The following NYAP2 variants were observed in gnomAD, a reference collection of about 807,000 sequenced individuals.
NYAP2 encodes neuronal tyrosine-phosphorylated phosphoinositide-3-kinase adapter 2.
A neutral mutation model predicts 50.4 loss-of-function variants in NYAP2; 23 were observed. The observed-to-expected ratio is 0.46, with a 90% CI of 0.33 to 0.65. The LOEUF (loss-of-function observed/expected upper bound fraction) is 0.65. Among genes scored for constraint, NYAP2 ranks in the 30% least tolerant of loss-of-function variants. The pLI is 0.02. For missense variants in NYAP2, 885 were observed against 861.0 expected (o/e 1.03, Z -0.35); for synonymous variants, 394 against 365.2 (o/e 1.08, Z -0.90).
At chr2:225,599,387 A>G (rs1326358016) in intron 5 of NYAP2, among the ~76,000 whole-genome samples, 1 of 152,246 alleles carries the variant, frequency 6.6e-6, no homozygotes, top group East Asian at 1.9e-4. Flanking sequence ...CATATGTTGT[A>G]TGGCAAATCT....
At chr2:225,658,837 G>T (rs951984449), downstream of NYAP2, among the ~76,000 whole-genome samples, 3 of 152,168 alleles carry the variant, frequency 2.0e-5, no homozygotes, top group Non-Finnish European at 4.4e-5. Context: ...AATTCAGAGG[G>T]TCATAACTCT....
intron 4 of NYAP2, among the ~76,000 whole-genome samples, chr2:225,544,873 A>T (rs1318963608): frequency 6.6e-6 from 1 of 152,128 alleles, no homozygotes; most frequent in South Asian, 2.1e-4. Flanking sequence ...CAGGTCTGGT[A>T]TTGGTGAAAT....
intron 3 of NYAP2, among the ~76,000 whole-genome samples, chr2:225,506,513 C>T (rs1690709918): frequency 6.6e-6 from 1 of 152,190 alleles, no homozygotes. Context: ...ATGAGCACAG[C>T]TCAGCCTAGC....
At chr2:225,505,907 G>T (rs115131710) in intron 3 of NYAP2, among the ~76,000 whole-genome samples, 4 of 152,068 alleles carry the variant, frequency 2.6e-5, no homozygotes, top group African/African-American at 9.7e-5. Flanking sequence ...AAGCAGGTCC[G>T]GACTTCTGGC....
chr2:225,538,005 T>C (rs1235948128), intron 4 of NYAP2, among the ~76,000 whole-genome samples: 1 of 152,194 alleles, frequency 6.6e-6, no homozygotes, highest in East Asian at 1.9e-4. Context: ...TGATCTCCTT[T>C]TACTTCATGC....
At chr2:225,594,736 G>A (rs1692567739) in intron 5 of NYAP2, among the ~76,000 whole-genome samples, 1 of 152,078 alleles carries the variant, frequency 6.6e-6, no homozygotes, top group African/African-American at 2.4e-5. Context: ...TCAGTAAATG[G>A]ATGACAATCC....
intron 5 of NYAP2, among the ~76,000 whole-genome samples, chr2:225,593,617 T>A (rs2106237051): frequency 6.6e-6 from 1 of 152,342 alleles, no homozygotes; most frequent in Non-Finnish European, 1.5e-5. Context: ...ATTGTGAAGA[T>A]TATTTCTATC....
intron 3 of NYAP2, among the ~76,000 whole-genome samples, chr2:225,512,141 A>G (rs764626105): frequency 1.2e-4 from 19 of 152,218 alleles, no homozygotes; most frequent in Non-Finnish European, 2.6e-4. Flanking sequence ...TAGCATAGAC[A>G]GAGGCCCAAG....
chr2:225,647,715 C>T (rs1006269207), intron 6 of NYAP2, among the ~76,000 whole-genome samples: 3 of 151,626 alleles, frequency 2.0e-5, no homozygotes, highest in Non-Finnish European at 4.4e-5. Context: ...TGGTTCCTAC[C>T]GGCAAAAATG....
chr2:225,435,986 T>C (rs1001276844), intron 3 of NYAP2, among the ~76,000 whole-genome samples: 3 of 152,308 alleles, frequency 2.0e-5, no homozygotes, highest in Admixed American at 1.3e-4. Context: ...AAGAACTATG[T>C]CAGATATTAA....
At chr2:225,567,348 G>T (rs915735895) in intron 4 of NYAP2, among the ~76,000 whole-genome samples, 1 of 151,924 alleles carries the variant, frequency 6.6e-6, no homozygotes, top group African/African-American at 2.4e-5. Context: ...AAAATTTGAA[G>T]GGATATATAA....
rs757942977 is a variant in NYAP2, at chr2:225,582,389, G to A, written c.972G>A (p.Pro324=). The A allele has an allele frequency of 1.1e-5, 18 of 1,608,650 alleles. 1 individual carries two copies. In the South Asian group the frequency reaches 1.5e-4, roughly 14 times the overall value. Residue 324 remains proline (P), a synonymous_variant, in exon 5 of 7, where the codon CCG becomes CCA. Transcript: ENST00000636099. The surrounding 1 kb of genome is among the most constrained non-coding windows in gnomAD (Gnocchi z 7.0). Reference sequence around the variant, plus strand: ...AGGGGCTGCTTTGCGACATCCCTCCGCCCTTCCCCAACCTGCTTTCTCACA... The same window carrying A: ...AGGGGCTGCTTTGCGACATCCCTCCACCCTTCCCCAACCTGCTTTCTCACA...
intron 2 of NYAP2, among the ~76,000 whole-genome samples, 183 bp downstream of exon 2, chr2:225,401,226 C>A (rs183957242): frequency 6.6e-6 from 1 of 152,072 alleles, no homozygotes; most frequent in Admixed American, 6.6e-5. Context: ...CTTTAGTGAG[C>A]CTGAGGCTAT....
chr2:225,511,137 G>T (rs962194367), intron 3 of NYAP2, among the ~76,000 whole-genome samples: 1 of 152,094 alleles, frequency 6.6e-6, no homozygotes, highest in Non-Finnish European at 1.5e-5. Flanking sequence ...TGAAAGCAAA[G>T]TTAGATTACA....
intron 4 of NYAP2, among the ~76,000 whole-genome samples, chr2:225,532,415 T>C (rs546723618): frequency 6.6e-6 from 1 of 152,336 alleles, no homozygotes; most frequent in African/African-American, 2.4e-5. Flanking sequence ...TGATTTTTCT[T>C]GTTAAGTAGG....
chr2:225,469,849 G>A (rs1225690519), intron 3 of NYAP2, among the ~76,000 whole-genome samples: 5 of 152,078 alleles, frequency 3.3e-5, no homozygotes, highest in East Asian at 1.9e-4. Context: ...GTGACCTGTC[G>A]GGGGATGGGG....
At chr2:225,459,559 A>T (rs1313478783) in intron 3 of NYAP2, among the ~76,000 whole-genome samples, 1 of 152,224 alleles carries the variant, frequency 6.6e-6, no homozygotes, top group Non-Finnish European at 1.5e-5. Flanking sequence ...AAGCATATAT[A>T]CATTTGAAAG....
At chr2:225,562,228 G>A (rs187083383) in intron 4 of NYAP2, among the ~76,000 whole-genome samples, 1 of 152,156 alleles carries the variant, frequency 6.6e-6, no homozygotes, top group Non-Finnish European at 1.5e-5. Context: ...GCTTTGTGTG[G>A]GCATATGACA....
rs1273648193 is a variant in NYAP2, at chr2:225,512,800, C to A, written c.222-571C>A. 2.4e-3 allele frequency among the ~76,000 whole-genome samples: 263 copies of A among 111,054 alleles called. 15 individuals carry two copies. The highest frequency in any genetic ancestry group is 0.011 in the African/African-American group (246 of 21,508). 72.9% of individuals were successfully genotyped at this position (111,054 alleles called of 152,430 possible). A position where few individuals can be genotyped will look rare whatever the true frequency, so the allele number is the denominator to read the frequency against. On this transcript the variant is annotated intron_variant, in intron 3 of 6. Coordinates refer to ENST00000636099, the Ensembl canonical transcript of NYAP2. Reference sequence around the variant, plus strand: ...TCTTTTTCCCTCTTTCCCTCCCTCCCTCTCTTTCTTTTCTTTCTTTCTCTC... The same window carrying A: ...TCTTTTTCCCTCTTTCCCTCCCTCCATCTCTTTCTTTTCTTTCTTTCTCTC...
Sources: gnomAD v4.1 joint callset for allele counts (sites outside exome capture counted in the v4.1 genomes callset) on GRCh38, gnomAD v4.1.1 for gene constraint, Gnocchi (gnomAD v3.1) non-coding constraint, MANE v1.5 for transcripts, NCBI Gene and HGNC (gene_info 2026-07-23, HGNC 2026-07-21) for gene names.